PBX1: variants seen among roughly 807,000 people sequenced by gnomAD.
PBX1 encodes the protein PBX homeobox 1, also known as pre-B-cell leukemia transcription factor 1.
Under a neutral mutation model 53.4 loss-of-function variants are expected in PBX1, and 6 were observed. The observed-to-expected ratio is 0.11, with a 90% CI of 0.06 to 0.22. The LOEUF is 0.22. PBX1 is among the 10% of genes least tolerant of loss of function. PBX1 has a pLI of 1.00. For missense variants in PBX1, 251 were observed against 551.4 expected, an observed-to-expected ratio of 0.46 and a Z score of 5.46; for synonymous variants, 204 against 212.3, an observed-to-expected ratio of 0.96 and a Z score of 0.34.
chr1:164,845,843 T>C (rs1026257837), intron 8 of PBX1, among the ~76,000 whole-genome samples: 1 of 152,186 alleles, frequency 6.6e-6, no homozygotes, highest in Admixed American at 6.5e-5. Flanking sequence ...GTATCTGTTA[T>C]AGTCACCTGA....
At chr1:164,870,210 T>TTCTTTCC (rs1180229062) in intron 2 of PBX1, among the ~76,000 whole-genome samples, 3 of 64,466 alleles carry the variant, frequency 4.7e-5, no homozygotes, top group Non-Finnish European at 7.8e-5. Context: ...CTTTCTTTCT[T>TTCTTTCC]TTCTTTCTTT....
chr1:164,618,306 G>GT (rs1459136820), intron 2 of PBX1, among the ~76,000 whole-genome samples: 1 of 147,630 alleles, frequency 6.8e-6, no homozygotes, highest in Non-Finnish European at 1.5e-5. Flanking sequence ...GCGGGGGGGG[G>GT]GGGGCACTCA....
intron 2 of PBX1, among the ~76,000 whole-genome samples, chr1:164,711,661 T>C (rs1663787880): frequency 6.6e-6 from 1 of 152,226 alleles, no homozygotes. Flanking sequence ...GAAAGAGCAT[T>C]GGGAGAGCGG....
At chr1:164,843,173 T>C (rs964301552) in intron 8 of PBX1, among the ~76,000 whole-genome samples, 1 of 151,920 alleles carries the variant, frequency 6.6e-6, no homozygotes, top group Non-Finnish European at 1.5e-5. Flanking sequence ...TTAACTTGAG[T>C]TTGCTTGCAG....
chr1:164,751,700 G>A (rs1367046602), intron 2 of PBX1, among the ~76,000 whole-genome samples: 1 of 148,710 alleles, frequency 6.7e-6, no homozygotes, highest in Non-Finnish European at 1.5e-5. Context: ...TCCTGCCTCC[G>A]CCTCCCGAGT....
chr1:164,751,581 CTTTTTTTTTT>C (rs1231289371), intron 2 of PBX1, among the ~76,000 whole-genome samples: 2 of 138,030 alleles, frequency 1.4e-5, no homozygotes, highest in Non-Finnish European at 3.1e-5. Flanking sequence ...TATTGCCCCC[CTTTTTTTTTT>C]TTTTTTTTGA....
At chr1:164,621,990 TG>T (rs1411544172) in intron 2 of PBX1, among the ~76,000 whole-genome samples, 2 of 152,240 alleles carry the variant, frequency 1.3e-5, no homozygotes, top group African/African-American at 4.8e-5. Context: ...TAGCTTTTGA[TG>T]TGTCAAGTCA....
Position 164,589,671 on chromosome 1 carries a change from G to C in PBX1, c.265+26360G>C, listed in dbSNP as rs371820380. Among the ~76,000 whole-genome samples the C allele has an allele frequency of 3.3e-5, 5 of 152,124 alleles. No individual in the cohort carries two copies. The East Asian group carries it at 9.6e-4, about 29-fold the overall frequency. Reference sequence around the variant, plus strand: ...TGCTCATCCATCCTTCTCCATCCCTGCGAGGTATTTAGGGTGGAGGAGATA... The same window carrying C: ...TGCTCATCCATCCTTCTCCATCCCTCCGAGGTATTTAGGGTGGAGGAGATA... On this transcript the variant is annotated intron_variant, in intron 2 of 8. Transcript: ENST00000420696.
chr1:164,736,074 G>A (rs182685554), intron 2 of PBX1, among the ~76,000 whole-genome samples: 1 of 152,238 alleles, frequency 6.6e-6, no homozygotes, highest in Non-Finnish European at 1.5e-5. Context: ...AAAAGATGAG[G>A]CCATCCTGGT....
At chr1:164,866,302 G>A (rs1037941785) in intron 2 of PBX1, among the ~76,000 whole-genome samples, 3 of 152,212 alleles carry the variant, frequency 2.0e-5, no homozygotes, top group Admixed American at 2.0e-4. Flanking sequence ...CACGCTTGTA[G>A]CTCTTCATCT....
chr1:164,632,761 C>T (rs1658491021), intron 2 of PBX1, among the ~76,000 whole-genome samples: 1 of 151,994 alleles, frequency 6.6e-6, no homozygotes, highest in African/African-American at 2.4e-5. Flanking sequence ...TATTTATGGT[C>T]TAGAGGATAT....
intron 5 of PBX1, among the ~76,000 whole-genome samples, chr1:164,808,943 C>G (rs1669479339): frequency 6.6e-6 from 1 of 152,142 alleles, no homozygotes; most frequent in Non-Finnish European, 1.5e-5. Context: ...ACGGGAACGT[C>G]AGCGGTCAAA....
chr1:164,587,456 G>A (rs201610836), intron 2 of PBX1, among the ~76,000 whole-genome samples: 122 of 152,116 alleles, frequency 8.0e-4, no homozygotes, highest in East Asian at 1.9e-3. Flanking sequence ...CCCTTTTGTC[G>A]GGTGAGGAGC....
In PBX1 at chr1:164,606,540, C is replaced by G. The variant is rs574276121; in HGVS notation, c.265+43229C>G. 4.6e-5 allele frequency among the ~76,000 whole-genome samples: 7 copies of G among 152,324 alleles called. No individual in the cohort carries two copies. The East Asian group carries it at 1.3e-3, about 29-fold the overall frequency. On this transcript the variant is annotated intron_variant, in intron 2 of 8. Coordinates refer to ENST00000420696, the MANE Select transcript of PBX1 (RefSeq NM_002585.4). ...TCAGTGAGCTGAGGTAGCGCCGCTG[C>G]ACTCCAGCCTGAACAACAGAGTGAG...
intron 8 of PBX1, among the ~76,000 whole-genome samples, chr1:164,837,300 G>T (rs949816908): frequency 6.6e-6 from 1 of 152,130 alleles, no homozygotes; most frequent in Non-Finnish European, 1.5e-5. Flanking sequence ...GGGCTGTATA[G>T]GTTCAGCCAA....
intron 2 of PBX1, among the ~76,000 whole-genome samples, chr1:164,695,313 A>C (rs77659684): frequency 6.6e-6 from 1 of 152,212 alleles, no homozygotes; most frequent in Non-Finnish European, 1.5e-5. Flanking sequence ...ACCTACATGA[A>C]CCTTGTGATC....
At chr1:164,820,001 C>A in intron 6 of PBX1, 71 bp from the exon 7 acceptor site, 1 of 852,010 alleles carries the variant, frequency 1.2e-6, no homozygotes, top group Admixed American at 2.1e-5. Context: ...CATTCTTCCT[C>A]TTGGCTGTTA....
intron 2 of PBX1, among the ~76,000 whole-genome samples, chr1:164,638,058 G>A (rs1434365927): frequency 1.3e-5 from 2 of 152,182 alleles, no homozygotes; most frequent in Non-Finnish European, 2.9e-5. Flanking sequence ...ACGTTCCTTC[G>A]AAATTCAGCC....
At chr1:164,885,595 C>T (rs1307088702) in intron 2 of PBX1, among the ~76,000 whole-genome samples, 1 of 152,146 alleles carries the variant, frequency 6.6e-6, no homozygotes, top group African/African-American at 2.4e-5. Context: ...ATCAAGCAGA[C>T]CTGAGTTTGA....
Sources: allele counts gnomAD v4.1 joint callset (sites outside exome capture counted in the v4.1 genomes callset), GRCh38; gene constraint gnomAD v4.1.1; transcripts MANE v1.5; gene names NCBI Gene and HGNC (gene_info 2026-07-23, HGNC 2026-07-21).